Variants in CSNK2A2IP observed in about 807,000 individuals in gnomAD.
The protein encoded by CSNK2A2IP is casein kinase 2 subunit alpha' interacting protein.
At chr3:88,429,576 C>T in the CSNK2A2IP span, among the ~76,000 whole-genome samples, 1 of 60,022 alleles carries the variant, frequency 1.7e-5, no homozygotes, top group African/African-American at 4.2e-5. Context: ...ATAGCTGGCT[C>T]TCTGAACGAG....
At chr3:88,433,162 C>T in the CSNK2A2IP span, among the ~76,000 whole-genome samples, 1 of 151,954 alleles carries the variant, frequency 6.6e-6, no homozygotes, top group Non-Finnish European at 1.5e-5. Context: ...TAGCTGTTTT[C>T]TTTTATAAAT....
chr3:88,446,190 C>T, the CSNK2A2IP span, among the ~76,000 whole-genome samples: 1 of 151,586 alleles, frequency 6.6e-6, no homozygotes, highest in East Asian at 1.9e-4. Flanking sequence ...TCACTGCAAC[C>T]TCTGCCTCAT....
chr3:88,428,723 G>A, the CSNK2A2IP span, among the ~76,000 whole-genome samples: 5,537 of 152,124 alleles, frequency 0.036, 212 homozygotes, highest in East Asian at 0.21. Context: ...GGCTGAATAT[G>A]CAACTGTTTA....
At chr3:88,400,947 A>G in the CSNK2A2IP span, among the ~76,000 whole-genome samples, 1 of 152,226 alleles carries the variant, frequency 6.6e-6, no homozygotes, top group Non-Finnish European at 1.5e-5. Flanking sequence ...AGGAATCAGT[A>G]AGAAATTTGA....
At chr3:88,416,399 T>G in the CSNK2A2IP span, among the ~76,000 whole-genome samples, 1 of 152,204 alleles carries the variant, frequency 6.6e-6, no homozygotes, top group Non-Finnish European at 1.5e-5. Flanking sequence ...TGCATCTTTT[T>G]ACAGAGTCAA....
chr3:88,427,677 C>T, the CSNK2A2IP span, among the ~76,000 whole-genome samples: 1 of 152,140 alleles, frequency 6.6e-6, no homozygotes, highest in Admixed American at 6.5e-5. Context: ...AGCCCCAAGC[C>T]TTGATGCCTT....
chr3:88,339,504 T>A, the CSNK2A2IP span, among the ~76,000 whole-genome samples: 1 of 152,078 alleles, frequency 6.6e-6, no homozygotes, highest in East Asian at 1.9e-4. Context: ...GTAATAAACA[T>A]GGGAGTGCAG....
At chr3:88,370,938 G>T in the CSNK2A2IP span, among the ~76,000 whole-genome samples, 63 of 151,782 alleles carry the variant, frequency 4.2e-4, no homozygotes, top group African/African-American at 1.5e-3. Flanking sequence ...AAAAGGCCAG[G>T]TGAGAACATA....
At chr3:88,372,465 CAATCATT>C in the CSNK2A2IP span, among the ~76,000 whole-genome samples, 1 of 151,062 alleles carries the variant, frequency 6.6e-6, no homozygotes, top group Admixed American at 6.6e-5. Context: ...TATCCTAGAG[CAATCATT>C]AAAAAACGTA....
chr3:88,373,499 A>T, the CSNK2A2IP span, among the ~76,000 whole-genome samples: 2 of 151,296 alleles, frequency 1.3e-5, no homozygotes, highest in Admixed American at 1.3e-4. Context: ...TTAGAGAAAA[A>T]TTTGTAACAA....
the CSNK2A2IP span, chr3:88,466,660 A>G: frequency 3.3e-6 from 4 of 1,220,384 alleles, no homozygotes; most frequent in Middle Eastern, 3.1e-4. Flanking sequence ...GGTAAATAAA[A>G]TTGTCAATTC....
the CSNK2A2IP span, among the ~76,000 whole-genome samples, chr3:88,399,268 G>A: frequency 6.6e-6 from 1 of 152,036 alleles, no homozygotes; most frequent in South Asian, 2.1e-4. Flanking sequence ...GGTTGTCTGA[G>A]GCTTTATTGT....
chr3:88,342,130 A>AAACACTTAAAAAAATTTATACTAG, the CSNK2A2IP span, among the ~76,000 whole-genome samples: 1 of 151,952 alleles, frequency 6.6e-6, no homozygotes, highest in Admixed American at 6.6e-5. Flanking sequence ...TTCAAAACAA[A>AAACACTTAAAAAAATTTATACTAG]TCTTTGCTAC....
At chr3:88,386,283 C>T in the CSNK2A2IP span, among the ~76,000 whole-genome samples, 1 of 152,070 alleles carries the variant, frequency 6.6e-6, no homozygotes, top group Non-Finnish European at 1.5e-5. Flanking sequence ...CGCCACCATG[C>T]CCAGCTAATT....
the CSNK2A2IP span, among the ~76,000 whole-genome samples, chr3:88,376,614 AT>A: frequency 4.6e-3 from 700 of 151,530 alleles, 2 homozygotes; most frequent in African/African-American, 0.016. Flanking sequence ...TACATTCACT[AT>A]TTTTTTTCAG....
the CSNK2A2IP span, among the ~76,000 whole-genome samples, chr3:88,414,217 G>T: frequency 7.6e-6 from 1 of 131,996 alleles, no homozygotes. Context: ...ATATAAATTT[G>T]TATTAACATA....
At chr3:88,405,322 A>T in the CSNK2A2IP span, among the ~76,000 whole-genome samples, 1 of 152,086 alleles carries the variant, frequency 6.6e-6, no homozygotes, top group African/African-American at 2.4e-5. Context: ...CCTGCTACTT[A>T]TTCAGGGAGA....
the CSNK2A2IP span, among the ~76,000 whole-genome samples, chr3:88,437,077 T>G: frequency 1.3e-5 from 2 of 152,170 alleles, no homozygotes; most frequent in African/African-American, 4.8e-5. Flanking sequence ...CTTAAATCAA[T>G]AAATGTACTA....
the CSNK2A2IP span, among the ~76,000 whole-genome samples, chr3:88,455,785 T>C: frequency 2.0e-5 from 3 of 152,094 alleles, no homozygotes; most frequent in East Asian, 1.9e-4. Context: ...AAAACTAACA[T>C]CATGGAGATT....
Sources: gnomAD v4.1 joint callset for allele counts (sites outside exome capture counted in the v4.1 genomes callset) on GRCh38, gnomAD v4.1.1 for gene constraint, MANE v1.5 for transcripts, NCBI Gene and HGNC (gene_info 2026-07-23, HGNC 2026-07-21) for gene names.